Variants in GATC observed in about 807,000 individuals in gnomAD.
GATC encodes glutamyl-tRNA(Gln) amidotransferase subunit C, mitochondrial.
Under a neutral mutation model 14.4 loss-of-function variants are expected in GATC, and 11 were observed. That is an observed-to-expected ratio of 0.77 (90% CI 0.48 to 1.27). The LOEUF is 1.27. Ranked by LOEUF, GATC falls within the 50% of genes most tolerant of loss-of-function variation. The pLI, the probability that GATC is intolerant of heterozygous loss-of-function variation, is 0.00. For synonymous variants in GATC, 76 were observed against 79.3 expected (o/e 0.96, Z 0.22); for missense variants, 204 against 183.0 (o/e 1.11, Z -0.66).
chr12:120,446,794 C>CGG lies in GATC; in HGVS notation c.222_223dup (p.Val75GlyfsTer16). ...ACCGGCTACGCGCCGTGGACACAGACGGGGTGGAGCCCATGGAATCGGTCC... is the reference window on the plus strand; with the variant it reads ...ACCGGCTACGCGCCGTGGACACAGACGGGGGGTGGAGCCCATGGAATCGGTCC... On this transcript the variant is annotated frameshift_variant, in exon 2 of 4. Transcript: ENST00000551765. LOFTEE classifies it high-confidence loss of function. 1 of 1,613,556 alleles carries CGG rather than the reference C, an allele frequency of 6.2e-7. No homozygotes were observed. Among genetic ancestry groups the CGG allele is most frequent in the Non-Finnish European group, 8.5e-7 (1 of 1,179,834 alleles).
At chr12:120,453,701 G>C (rs980756849) in intron 2 of GATC, among the ~76,000 whole-genome samples, 1 of 152,000 alleles carries the variant, frequency 6.6e-6, no homozygotes, top group Non-Finnish European at 1.5e-5. Flanking sequence ...AATTAATAAA[G>C]CTAGGTATGG....
chr12:120,462,271 T>C lies in GATC; in HGVS notation c.*2312T>C, dbSNP rs999184578. On this transcript the variant is annotated 3_prime_UTR_variant, in exon 4 of 4. Transcript: ENST00000551765. ...AGTTAAGTATTGAGCACTTACTGTG[T>C]ACTCTGTGCCTGGCATGAGGCTATC... is the stretch of plus-strand genomic sequence containing the variant. 9.2e-6 allele frequency: 11 copies of C among 1,200,646 alleles called. No homozygotes were observed. The highest frequency in any genetic ancestry group is 1.2e-5 in the Non-Finnish European group (10 of 867,006). The allele number at this position is 1,200,646 out of a possible 1,614,324, so 74.4% of individuals were successfully genotyped here.
rs905148044 is a variant in GATC, at chr12:120,462,977, C to T, written c.*3018C>T. The stretch of plus-strand genomic sequence containing the variant: ...TAGAGGACAGTCTGAACAAAAGCAT[C>T]ATTAAACCAGGGAAGGACCAACCTC... On this transcript the variant is annotated 3_prime_UTR_variant, in exon 4 of 4. Coordinates refer to ENST00000551765, the MANE Select transcript of GATC (RefSeq NM_176818.3). 11 of 152,210 alleles carry T rather than the reference C, an allele frequency of 7.2e-5. No homozygotes were observed. The highest frequency in any genetic ancestry group is 2.7e-4 in the African/African-American group (11 of 41,452). The allele number at this position is 152,210 out of a possible 1,614,324, so 9.4% of individuals were successfully genotyped here.
chr12:120,457,244 C>T (rs954628935), intron 3 of GATC, 65 bp downstream of exon 3: 4 of 1,198,812 alleles, frequency 3.3e-6, no homozygotes, highest in South Asian at 1.2e-5. Context: ...AAGCAGGAAG[C>T]ATGAGGACCA....
Position 120,459,939 on chromosome 12 carries a change from G to A in GATC, c.391G>A (p.Glu131Lys). The A allele has an allele frequency of 6.2e-7, 1 of 1,613,062 alleles. No individual in the cohort carries two copies. ...NISLPKLDEQ[E>K]PFPHS ...CTCTTTGCCAAAGCTGGATGAACAA[G>A]AGCCATTCCCACACAGCTGAGTAGC... is the stretch of plus-strand genomic sequence containing the variant. Residue 131 changes from glutamate (E) to lysine (K), a missense_variant, in exon 4 of 4, where the codon GAG becomes AAG. Physicochemically the swap from Glu to Lys is moderately conservative, Grantham distance 56. Coordinates refer to ENST00000551765, the MANE Select transcript of GATC (RefSeq NM_176818.3).
In GATC at chr12:120,460,175, A is replaced by G; in HGVS notation, c.*216A>G. 2.1e-6 allele frequency: 1 copy of G among 479,764 alleles called. No individual in the cohort carries two copies. Among genetic ancestry groups the G allele is most frequent in the Non-Finnish European group, 3.9e-6 (1 of 258,282 alleles). 29.7% of individuals were successfully genotyped at this position (479,764 alleles called of 1,614,324 possible). A position where few individuals can be genotyped will look rare whatever the true frequency, so the allele number is the denominator to read the frequency against. Reference sequence around the variant, plus strand: ...CTGATGCTAACTGAGGTGAAAGAAAAGCAAAAGTCAGCTTCCAAGGAATTC... The same window carrying G: ...CTGATGCTAACTGAGGTGAAAGAAAGGCAAAAGTCAGCTTCCAAGGAATTC... On this transcript the variant is annotated 3_prime_UTR_variant, in exon 4 of 4. Coordinates refer to ENST00000551765, the MANE Select transcript of GATC (RefSeq NM_176818.3).
Position 120,461,859 on chromosome 12 carries a change from A to C in GATC, c.*1900A>C. On this transcript the variant is annotated 3_prime_UTR_variant, in exon 4 of 4. Coordinates refer to ENST00000551765, the MANE Select transcript of GATC (RefSeq NM_176818.3). ...TGCAGTTTAAAATGTTTCACTGCTA[A>C]TATGGCCCTGGTAGAAATTATGTAG... 1.4e-6 allele frequency: 1 copy of C among 728,094 alleles called. No individual in the cohort carries two copies. The highest frequency in any genetic ancestry group is 3.2e-5 in the South Asian group (1 of 31,198). 45.1% of individuals were successfully genotyped at this position (728,094 alleles called of 1,614,324 possible).
chr12:120,449,989 C>T (rs1365034648), intron 2 of GATC, among the ~76,000 whole-genome samples: 1 of 151,000 alleles, frequency 6.6e-6, no homozygotes, highest in Admixed American at 6.6e-5. Flanking sequence ...CTCAAACTCC[C>T]GACCTCAGGT....
At chr12:120,458,734 T>C (rs1878249216) in intron 3 of GATC, among the ~76,000 whole-genome samples, 1 of 151,604 alleles carries the variant, frequency 6.6e-6, no homozygotes, top group Non-Finnish European at 1.5e-5. Context: ...GTTCAGGATA[T>C]CCTGAGGGAG....
rs1238671127 is a variant in GATC at position 120,462,826 on chromosome 12, G to A, written c.*2867G>A. The stretch of plus-strand genomic sequence containing the variant: ...TCAGAAGATCCAAAGATGCCAAGGG[G>A]AAAGAAGCCGGATGCTTTTTCACCT... On this transcript the variant is annotated 3_prime_UTR_variant, in exon 4 of 4. Coordinates refer to ENST00000551765, the MANE Select transcript of GATC (RefSeq NM_176818.3). 6.6e-6 allele frequency: 1 copy of A among 152,234 alleles called. No homozygotes were observed. Among genetic ancestry groups the A allele is most frequent in the Non-Finnish European group, 1.5e-5 (1 of 68,076 alleles). 9.4% of individuals were successfully genotyped at this position (152,234 alleles called of 1,614,324 possible).
chr12:120,455,218 G>C (rs1878150582), intron 2 of GATC, among the ~76,000 whole-genome samples: 1 of 150,830 alleles, frequency 6.6e-6, no homozygotes, highest in South Asian at 2.1e-4. Context: ...GCCCAGGCTT[G>C]AGTGCAGTGG....
chr12:120,454,229 G>A (rs1048033632), intron 2 of GATC, among the ~76,000 whole-genome samples: 1 of 152,184 alleles, frequency 6.6e-6, no homozygotes, highest in African/African-American at 2.4e-5. Context: ...CTTTCTGAAA[G>A]GAGCAGGTGC....
rs979980998 is a variant in GATC, at chr12:120,463,188, G to A, written c.*3229G>A. The A allele has an allele frequency of 5.9e-5, 9 of 152,154 alleles. No individual in the cohort carries two copies. The highest frequency in any genetic ancestry group is 5.2e-4 in the Admixed American group (8 of 15,274). The allele number at this position is 152,154 out of a possible 1,614,324, so 9.4% of individuals were successfully genotyped here. A position where few individuals can be genotyped will look rare whatever the true frequency, so the allele number is the denominator to read the frequency against. On this transcript the variant is annotated 3_prime_UTR_variant, in exon 4 of 4. Coordinates refer to ENST00000551765, the MANE Select transcript of GATC (RefSeq NM_176818.3). ...GGATAGTCACCACCTCAATCAAACTGAGATCCAAAACAGCAGCTGCTTTCC... is the reference window on the plus strand; with the variant it reads ...GGATAGTCACCACCTCAATCAAACTAAGATCCAAAACAGCAGCTGCTTTCC...
chr12:120,456,399 G>C (rs1294998349), intron 2 of GATC, among the ~76,000 whole-genome samples: 1 of 152,148 alleles, frequency 6.6e-6, no homozygotes, highest in Non-Finnish European at 1.5e-5. Flanking sequence ...CATTTTAGGT[G>C]TATCAGATTG....
intron 2 of GATC, among the ~76,000 whole-genome samples, chr12:120,451,240 T>C (rs1878035521): frequency 6.8e-6 from 1 of 146,010 alleles, no homozygotes; most frequent in South Asian, 2.2e-4. Flanking sequence ...GGGTCAGGAG[T>C]TGAAGACCAG....
chr12:120,454,857 CAA>C (rs544102647), intron 2 of GATC: 1,778 of 189,848 alleles, frequency 9.4e-3, no homozygotes, highest in South Asian at 0.025. Context: ...TTGTGTTATT[CAA>C]AAAAAAAAAA....
At chr12:120,452,913 C>T (rs779954311) in intron 2 of GATC, among the ~76,000 whole-genome samples, 7 of 152,068 alleles carry the variant, frequency 4.6e-5, no homozygotes, top group Non-Finnish European at 8.8e-5. Context: ...CCAGGCTGGT[C>T]TTGAACTCCT....
Position 120,446,837 on chromosome 12 carries a change from C to A in GATC, c.254+8C>A. ...ATCGGTCCTGGAGGACAGGTAAACT[C>A]GCGGCTGCAGCCCCGAAGCCTTGAC... On this transcript the variant is annotated splice_region_variant and intron_variant, in intron 2 of 3. Coordinates refer to ENST00000551765, the MANE Select transcript of GATC (RefSeq NM_176818.3). 2 of 1,585,752 alleles carry A rather than the reference C, an allele frequency of 1.3e-6. No homozygotes were observed. Among genetic ancestry groups the A allele is most frequent in the Non-Finnish European group, 8.6e-7 (1 of 1,161,770 alleles).
At chr12:120,455,830 C>T (rs183016889) in intron 2 of GATC, among the ~76,000 whole-genome samples, 140 of 152,172 alleles carry the variant, frequency 9.2e-4, no homozygotes, top group Non-Finnish European at 1.7e-3. Flanking sequence ...GGTCTACAGG[C>T]GCCCACCACC....
Sources: gnomAD v4.1 joint callset for allele counts (sites outside exome capture counted in the v4.1 genomes callset) on GRCh38, gnomAD v4.1.1 for gene constraint, MANE v1.5 for transcripts, NCBI Gene and HGNC (gene_info 2026-07-23, HGNC 2026-07-21) for gene names.